The following ASIP variants were observed in gnomAD, a reference collection of about 807,000 sequenced individuals.
ASIP encodes agouti-signaling protein.
Under a neutral mutation model 10.3 loss-of-function variants are expected in ASIP, and 11 were observed. That is an observed-to-expected ratio of 1.07 (90% confidence interval 0.68 to 1.78). The LOEUF (loss-of-function observed/expected upper bound fraction) is 1.78, where lower values mean the gene tolerates loss of function less well. Ranked by LOEUF, ASIP falls within the 40% of genes most tolerant of loss-of-function variation. The probability of loss-of-function intolerance (pLI) is 0.00; values close to 1 mark genes in which losing one functional copy is unlikely to be tolerated. For synonymous variants in ASIP, 70 were observed against 70.8 expected (o/e 0.99, Z 0.06); for missense variants, 180 against 169.2 (o/e 1.06, Z -0.35).
intron 1 of ASIP, among the ~76,000 whole-genome samples, chr20:34,197,318 G>A (rs2034864780): frequency 6.6e-6 from 1 of 152,114 alleles, no homozygotes; most frequent in Non-Finnish European, 1.5e-5. Flanking sequence ...CAGAGATCGT[G>A]CCACTGCACT....
At chr20:34,227,447 A>G (rs923789395) in intron 1 of ASIP, among the ~76,000 whole-genome samples, 3 of 152,104 alleles carry the variant, frequency 2.0e-5, no homozygotes, top group African/African-American at 7.2e-5. Context: ...CCTGGCCAAC[A>G]TGGTGAAACC....
chr20:34,187,780 A>G, the ASIP span, among the ~76,000 whole-genome samples: 1 of 152,222 alleles, frequency 6.6e-6, no homozygotes, highest in Non-Finnish European at 1.5e-5. Flanking sequence ...ATCACTTACT[A>G]TAAATGACCT....
upstream of ASIP, among the ~76,000 whole-genome samples, chr20:34,190,314 A>G (rs1002614926): frequency 1.3e-5 from 2 of 152,218 alleles, no homozygotes; most frequent in Non-Finnish European, 2.9e-5. Context: ...AGTATGAAAG[A>G]TAATGAGTAT....
chr20:34,200,299 G>A (rs577081218), intron 1 of ASIP, among the ~76,000 whole-genome samples: 1 of 152,264 alleles, frequency 6.6e-6, no homozygotes, highest in Admixed American at 6.5e-5. Context: ...GTCTTCAACA[G>A]GATGTAAAGC....
At chr20:34,219,395 A>C (rs1183052248) in intron 1 of ASIP, among the ~76,000 whole-genome samples, 1 of 152,160 alleles carries the variant, frequency 6.6e-6, no homozygotes, top group Non-Finnish European at 1.5e-5. Context: ...TTTTTAATTT[A>C]ATCTCCCAAA....
At chr20:34,215,476 A>C (rs2035001481) in intron 1 of ASIP, 9 of 1,527,026 alleles carry the variant, frequency 5.9e-6, no homozygotes, top group Non-Finnish European at 8.2e-6. Flanking sequence ...GTACAGATCT[A>C]CTCCCCTTGG....
At chr20:34,268,964 C>A in intron 3 of ASIP, 27 bp from the exon 4 acceptor site, 1 of 1,581,298 alleles carries the variant, frequency 6.3e-7, no homozygotes, top group South Asian at 1.2e-5. Context: ...GTGGCCGGCT[C>A]ATAAAGCCCC....
chr20:34,258,692 C>T (rs55669357), intron 1 of ASIP, among the ~76,000 whole-genome samples: 3,233 of 10,348 alleles, frequency 0.31, 609 homozygotes, highest in African/African-American at 0.52. Context: ...TATATATATA[C>T]ATACTATATA....
Position 34,264,386 on chromosome 20 carries a change from T to C in ASIP, c.222+1493T>C, listed in dbSNP as rs547988115. ...GCTAATCATCTCTGCACAAGGAGTC[T>C]CACCAGGAAATCACATATTGCAGTA... On this transcript the variant is annotated intron_variant, in intron 3 of 3. Transcript: ENST00000374954. 7.7e-4 allele frequency among the ~76,000 whole-genome samples: 117 copies of C among 152,314 alleles called. 1 individual carries two copies. Among genetic ancestry groups the C allele is most frequent in the Middle Eastern group, 6.8e-3 (2 of 294 alleles).
In ASIP at chr20:34,202,934, G is replaced by A. The variant is rs145737244; in HGVS notation, c.-11+8174G>A. On this transcript the variant is annotated intron_variant, in intron 1 of 3. Coordinates refer to the ASIP transcript ENST00000568305. ...CGCCATTCTCCTGCCTCAGCCTCCC[G>A]AGTAGCTGGGACCACAGGCGCCCGC... Among the ~76,000 whole-genome samples, 59 of 146,496 alleles carry A rather than the reference G, an allele frequency of 4.0e-4. 1 individual carries two copies. In the South Asian group the frequency reaches 7.0e-3, roughly 17 times the overall value.
rs183932635 is a variant in ASIP, at chr20:34,259,027, C to A, written c.-10-1338C>A. On this transcript the variant is annotated intron_variant, in intron 1 of 3. Coordinates refer to ENST00000374954, the MANE Select transcript of ASIP (RefSeq NM_001672.3). ...AGACCAACCTGGGTAATAGAGTGAG[C>A]CTTCATCCCTACAAAAAAAAATTTT... Among the ~76,000 whole-genome samples, 213 of 147,868 alleles carry A rather than the reference C, an allele frequency of 1.4e-3. 1 individual carries two copies. Among genetic ancestry groups the A allele is most frequent in the African/African-American group, 5.1e-3 (204 of 40,126 alleles).
chr20:34,217,387 G>A (rs961135430), intron 1 of ASIP, among the ~76,000 whole-genome samples: 1 of 150,966 alleles, frequency 6.6e-6, no homozygotes. Flanking sequence ...GCAGTGAGCC[G>A]ACATCTCGCC....
intron 1 of ASIP, among the ~76,000 whole-genome samples, chr20:34,258,673 C>CTATATATATATATATATATATATA (rs1568768595): frequency 2.2e-4 from 1 of 4,604 alleles, no homozygotes; most frequent in Non-Finnish European, 6.0e-4. Flanking sequence ...AAGGGGGATG[C>CTATATATATATATATATATATATA]CATATATATA....
chr20:34,220,166 G>A (rs1017087306), intron 1 of ASIP, among the ~76,000 whole-genome samples: 6 of 152,134 alleles, frequency 3.9e-5, no homozygotes, highest in South Asian at 2.1e-4. Flanking sequence ...CCATCTACAC[G>A]TGTAGAACTG....
chr20:34,205,304 C>T (rs115359972), intron 1 of ASIP, among the ~76,000 whole-genome samples: 1,573 of 152,208 alleles, frequency 0.01, 31 homozygotes, highest in African/African-American at 0.036. Context: ...GCTGTTCATT[C>T]CTCCCAATGG....
upstream of ASIP, among the ~76,000 whole-genome samples, chr20:34,236,749 G>A (rs2035216371): frequency 6.6e-6 from 1 of 152,120 alleles, no homozygotes; most frequent in African/African-American, 2.4e-5. Flanking sequence ...GTGCTGATAC[G>A]AAGGCAGCTG....
intron 1 of ASIP, among the ~76,000 whole-genome samples, chr20:34,204,043 G>A (rs769907343): frequency 6.6e-6 from 1 of 152,054 alleles, no homozygotes; most frequent in African/African-American, 2.4e-5. Context: ...ATATTTTAAT[G>A]TTCATTTTTA....
intron 1 of ASIP, among the ~76,000 whole-genome samples, chr20:34,245,560 G>T (rs2035359944): frequency 6.6e-6 from 1 of 151,136 alleles, no homozygotes. Flanking sequence ...GCTAAATTTT[G>T]TATTTTTTTT....
At chr20:34,195,515 C>T (rs993264920) in intron 1 of ASIP, among the ~76,000 whole-genome samples, 2 of 152,208 alleles carry the variant, frequency 1.3e-5, no homozygotes, top group African/African-American at 4.8e-5. Context: ...TAGGCACAAC[C>T]CTCAGCAGGA....
Sources: gnomAD v4.1 joint callset for allele counts (sites outside exome capture counted in the v4.1 genomes callset) on GRCh38, gnomAD v4.1.1 for gene constraint, MANE v1.5 for transcripts, NCBI Gene and HGNC (gene_info 2026-07-23, HGNC 2026-07-21) for gene names.